Variants in COL6A3 observed in about 807,000 individuals in gnomAD.
COL6A3 encodes collagen alpha-3(VI) chain.
Under a neutral mutation model 274.1 loss-of-function variants are expected in COL6A3, and 137 were observed. The ratio of observed to expected loss-of-function variants is 0.50; its 90% CI spans 0.44 to 0.58. COL6A3 has a LOEUF of 0.58. COL6A3 is among the 20% of genes least tolerant of loss of function. The probability of loss-of-function intolerance (pLI) is 0.00; values close to 1 mark genes in which losing one functional copy is unlikely to be tolerated. For synonymous variants in COL6A3, 1,650 were observed against 1,650.6 expected (o/e 1.00, Z 0.01); for missense variants, 3,950 against 4,124.9 (o/e 0.96, Z 1.16).
intron 17 of COL6A3, among the ~76,000 whole-genome samples, chr2:237,359,797 G>A (rs1262890213): frequency 7.9e-5 from 12 of 152,164 alleles, no homozygotes; most frequent in Non-Finnish European, 1.3e-4. Context: ...GGCCGGGGCC[G>A]TGGGCACCAG....
chr2:237,358,916 G>T, intron 20 of COL6A3, 119 bp downstream of exon 20: 1 of 1,100,704 alleles, frequency 9.1e-7, no homozygotes, highest in Non-Finnish European at 1.4e-6. Context: ...CACAGGGGAG[G>T]TCAGGGAAGG....
rs536558273 is a variant in COL6A3, at chr2:237,368,821, G to C, written c.4642C>G (p.Leu1548Val). 6.2e-7 allele frequency: 1 copy of C among 1,614,210 alleles called. No homozygotes were observed. Among genetic ancestry groups the C allele is most frequent in the African/African-American group, 1.3e-5 (1 of 75,064 alleles). Residue 1548 changes from leucine (L) to valine (V), a missense_variant, in exon 10 of 44, where the codon CTG (leucine) becomes GTG (valine). Leu to Val is a conservative substitution (Grantham distance 32). This residue lies in a region of COL6A3 where 8 missense variants were observed against 24.0 expected (regional missense o/e 0.33). Transcript: ENST00000295550. The surrounding 1 kb of genome is among the most constrained non-coding windows in gnomAD (Gnocchi z 4.4). ...ACATCGTCCTGGGATTTTCCACCCA[G>C]GACCAGGACCAGGTGTTGGGGCACC... ...DGVPQHLVLV[L>V]GGKSQDDVSR...
Position 237,345,196 on chromosome 2 carries a change from C to T in COL6A3, c.7110G>A (p.Arg2370=). 6.2e-7 allele frequency: 1 copy of T among 1,614,082 alleles called. No individual in the cohort carries two copies. The highest frequency in any genetic ancestry group is 8.5e-7 in the Non-Finnish European group (1 of 1,180,030). Residue 2370 remains arginine, a synonymous_variant, in exon 33 of 44, where the codon AGG becomes AGA. Transcript: ENST00000295550. The stretch of plus-strand genomic sequence containing the variant: ...TGCAACTTACATCGATGGAGTCGCC[C>T]CTGTTGCCCTTGGGACCCTGTAAAA... ...YPGPAGPKGN[R]GDSIDQCALI...
At position 237,351,979 on chromosome 2, in the gene COL6A3, C is replaced by T. The variant is rs2077216423; in HGVS notation, c.6753+543G>A. 2.6e-5 allele frequency among the ~76,000 whole-genome samples: 4 copies of T among 152,268 alleles called. No individual in the cohort carries two copies. The South Asian group carries it at 8.3e-4, about 32-fold the overall frequency. Reference sequence around the variant, plus strand: ...AATATCATCTCAGCCATGAGGGAAACCCGAATACGTAATTCCGTGACACCT... The same window carrying T: ...AATATCATCTCAGCCATGAGGGAAATCCGAATACGTAATTCCGTGACACCT... On this transcript the variant is annotated intron_variant, in intron 26 of 43. Coordinates refer to ENST00000295550, the MANE Select transcript of COL6A3 (RefSeq NM_004369.4).
intron 1 of COL6A3, among the ~76,000 whole-genome samples, chr2:237,400,360 C>G (rs921210552): frequency 6.6e-6 from 1 of 152,052 alleles, no homozygotes; most frequent in Admixed American, 6.6e-5. Flanking sequence ...AATAATTTGG[C>G]AATTCCCTGA....
In COL6A3 at chr2:237,364,447, T is replaced by C; in HGVS notation, c.5839-19A>G. On this transcript the variant is annotated intron_variant, in intron 12 of 43. Transcript: ENST00000295550. The surrounding 1 kb of genome is among the most constrained non-coding windows in gnomAD (Gnocchi z 4.6). ...TGACCACCTGCAGATAAGAGAGCTGTCAAATCCCAGGAAAACTAAAAAGGA... is the reference window on the plus strand; with the variant it reads ...TGACCACCTGCAGATAAGAGAGCTGCCAAATCCCAGGAAAACTAAAAAGGA... The C allele has an allele frequency of 1.2e-6, 2 of 1,600,566 alleles. No homozygotes were observed. The highest frequency in any genetic ancestry group is 1.7e-6 in the Non-Finnish European group (2 of 1,167,906).
At chr2:237,404,364 T>A (rs1314254329) in intron 1 of COL6A3, among the ~76,000 whole-genome samples, 1 of 152,178 alleles carries the variant, frequency 6.6e-6, no homozygotes, top group Non-Finnish European at 1.5e-5. Flanking sequence ...AGTTTAAGCA[T>A]CACTGCTTCA....
Position 237,365,855 on chromosome 2 carries a change from G to T in COL6A3, c.5681C>A (p.Pro1894His). ...TVRVSVVANTPSGPVEAFDFD... is the reference protein window; with the variant it reads ...TVRVSVVANTHSGPVEAFDFD... ...GTCAAAGGCCTCCACCGGGCCCGAG[G>T]GCGTGTTGGCCACCACTGACACACG... is the stretch of plus-strand genomic sequence containing the variant. The change falls in exon 12 of 44, where the codon CCC (proline) becomes CAC (histidine). Residue 1894 changes from proline to histidine, a missense_variant. Pro to His is a moderately conservative substitution (Grantham distance 77, BLOSUM62 -2). This residue lies in a region of COL6A3 where 632 missense variants were observed against 623.4 expected (regional missense o/e 1.01). Coordinates refer to ENST00000295550, the MANE Select transcript of COL6A3 (RefSeq NM_004369.4). The T allele has an allele frequency of 1.2e-6, 2 of 1,614,190 alleles. No homozygotes were observed. The highest frequency in any genetic ancestry group is 2.2e-5 in the South Asian group (2 of 91,080).
Position 237,342,200 on chromosome 2 carries a change from A to G in COL6A3, c.7669-39T>C, listed in dbSNP as rs1184870184. The G allele has an allele frequency of 2.7e-6, 4 of 1,484,802 alleles. No individual in the cohort carries two copies. The African/African-American group carries it at 4.1e-5, about 15-fold the overall frequency. The allele number at this position is 1,484,802 out of a possible 1,614,324, so 92.0% of individuals were successfully genotyped here. On this transcript the variant is annotated intron_variant, in intron 36 of 43. Coordinates refer to ENST00000295550, the MANE Select transcript of COL6A3 (RefSeq NM_004369.4). The stretch of plus-strand genomic sequence containing the variant: ...AAGAACAATTTTGGTAGGGGCGTAC[A>G]TGATCAGTAATATCTGAAAATATGG...
intron 9 of COL6A3, among the ~76,000 whole-genome samples, chr2:237,370,994 A>G (rs145456565): frequency 6.6e-6 from 1 of 152,370 alleles, no homozygotes. Flanking sequence ...GTCCTGGTTA[A>G]TAAGAGTGAC....
intron 16 of COL6A3, among the ~76,000 whole-genome samples, chr2:237,360,694 C>T (rs1212588283): frequency 1.3e-5 from 2 of 152,170 alleles, no homozygotes; most frequent in Non-Finnish European, 2.9e-5. Flanking sequence ...CCAAGACCCT[C>T]GGATACTGAT....
rs1347026515 is a variant in COL6A3, at chr2:237,336,512, G to T, written c.8588C>A (p.Thr2863Asn). The T allele has an allele frequency of 6.2e-7, 1 of 1,614,224 alleles. No homozygotes were observed. The highest frequency in any genetic ancestry group is 8.5e-7 in the Non-Finnish European group (1 of 1,180,048). The change falls in exon 40 of 44, where the codon ACT becomes AAT. Residue 2863 changes from threonine (T) to asparagine (N), a missense_variant. Coordinates refer to ENST00000295550, the MANE Select transcript of COL6A3 (RefSeq NM_004369.4). ...HKQVNVPNNVTSSPTSNPVTT... is the reference protein window; with the variant it reads ...HKQVNVPNNVNSSPTSNPVTT... ...CACTGGGTTGGATGTAGGACTTGAA[G>T]TAACGTTATTCGGAACATTTCTGTT... is the stretch of plus-strand genomic sequence containing the variant.
In COL6A3 at chr2:237,324,698, G is replaced by A. The variant is rs959767840; in HGVS notation, c.*76C>T. The A allele has an allele frequency of 1.7e-5, 23 of 1,384,790 alleles. No homozygotes were observed. The highest frequency in any genetic ancestry group is 1.8e-4 in the Middle Eastern group (1 of 5,662). The allele number at this position is 1,384,790 out of a possible 1,614,324, so 85.8% of individuals were successfully genotyped here. ...ATACAGTGCAAGGGAATCTACACCC[G>A]GAGCTTCTACAGAGACAAGTTGGCG... On this transcript the variant is annotated 3_prime_UTR_variant, in exon 44 of 44. Transcript: ENST00000295550.
intron 5 of COL6A3, 91 bp from the exon 6 acceptor site, chr2:237,379,326 T>G: frequency 6.8e-7 from 1 of 1,470,804 alleles, no homozygotes; most frequent in South Asian, 1.1e-5. Context: ...CATGCCAACA[T>G]TTAGAACACA....
chr2:237,357,778 C>T (rs546371732), intron 22 of COL6A3, 39 bp downstream of exon 22: 2 of 1,605,180 alleles, frequency 1.2e-6, no homozygotes, highest in South Asian at 1.1e-5. Context: ...TTCTCTTGCC[C>T]TCAGTACAGG....
intron 1 of COL6A3, among the ~76,000 whole-genome samples, chr2:237,397,083 G>A (rs868640942): frequency 3.4e-5 from 5 of 148,912 alleles, no homozygotes; most frequent in Non-Finnish European, 5.9e-5. Flanking sequence ...ACATACATGC[G>A]CACATATATG....
At chr2:237,351,477 C>T (rs904002225) in intron 26 of COL6A3, among the ~76,000 whole-genome samples, 5 of 152,214 alleles carry the variant, frequency 3.3e-5, no homozygotes, top group Admixed American at 2.6e-4. Context: ...ATCCTAGGTT[C>T]CTGACAGGAC....
rs1699843733 is a variant in COL6A3, at chr2:237,324,757, A to G, written c.*17T>C. ...CTCCTTCTTCTTCAAGAGGTATATG[A>G]TGTTGGCCACCCACGCTTAGGTTCC... On this transcript the variant is annotated 3_prime_UTR_variant, in exon 44 of 44. Transcript: ENST00000295550. 2.5e-6 allele frequency: 4 copies of G among 1,613,038 alleles called. No homozygotes were observed. Among genetic ancestry groups the G allele is most frequent in the East Asian group, 2.2e-5 (1 of 44,846 alleles).
In COL6A3 at chr2:237,344,952, G is replaced by A; in HGVS notation, c.7163C>T (p.Pro2388Leu). ...ALIQSIKDKC[P>L]CCYGPLECPV... ...CAAAATCAACTTACCGTAACAGCAA[G>A]CTAGAAAAGAAGCAAAGAGAAGAAA... The change falls in exon 35 of 44, where the codon CCT (proline) becomes CTT (leucine). Residue 2388 changes from proline (P) to leucine (L), a missense_variant and splice_region_variant. Physicochemically the swap from Pro to Leu is moderately conservative, Grantham distance 98. Coordinates refer to ENST00000295550, the MANE Select transcript of COL6A3 (RefSeq NM_004369.4). The surrounding 1 kb of genome is among the most constrained non-coding windows in gnomAD (Gnocchi z 4.8). The A allele has an allele frequency of 6.2e-7, 1 of 1,614,144 alleles. No homozygotes were observed. Among genetic ancestry groups the A allele is most frequent in the South Asian group, 1.1e-5 (1 of 91,082 alleles).
Sources: allele counts gnomAD v4.1 joint callset (sites outside exome capture counted in the v4.1 genomes callset), GRCh38; gene constraint gnomAD v4.1.1; regional missense constraint gnomAD v4.1.1; non-coding constraint Gnocchi (gnomAD v3.1); transcripts MANE v1.5; gene names NCBI Gene and HGNC (gene_info 2026-07-23, HGNC 2026-07-21).